The following NEGR1 variants were observed in gnomAD, a reference collection of about 807,000 sequenced individuals.
NEGR1 encodes IgLON family member 4.
NEGR1 carries 10 observed loss-of-function variants against 40.9 expected under a neutral mutation model. That is an observed-to-expected ratio of 0.24 (90% CI 0.15 to 0.42). The LOEUF is 0.42. Among genes scored for constraint, NEGR1 ranks in the 10% least tolerant of loss-of-function variants. The pLI is 1.00. For synonymous variants in NEGR1, 185 were observed against 166.8 expected, an observed-to-expected ratio of 1.11 and a Z score of -0.84; for missense variants, 352 against 438.9, an observed-to-expected ratio of 0.80 and a Z score of 1.77.
At chr1:71,503,492 A>G (rs1320530282) in intron 6 of NEGR1, among the ~76,000 whole-genome samples, 3 of 152,172 alleles carry the variant, frequency 2.0e-5, no homozygotes, top group African/African-American at 4.8e-5. Context: ...CCTGGAGACC[A>G]TGGGGGAGCT....
At chr1:72,213,779 C>T (rs1653696434) in intron 1 of NEGR1, among the ~76,000 whole-genome samples, 1 of 152,010 alleles carries the variant, frequency 6.6e-6, no homozygotes, top group Admixed American at 6.6e-5. Flanking sequence ...CTGAATTCTA[C>T]CAGAGGGACA....
chr1:72,088,353 T>G (rs1648306873), intron 1 of NEGR1, among the ~76,000 whole-genome samples: 1 of 152,134 alleles, frequency 6.6e-6, no homozygotes, highest in African/African-American at 2.4e-5. Flanking sequence ...GATCTACAGG[T>G]GATTTTCATA....
At chr1:71,727,836 G>A (rs1329472745) in intron 3 of NEGR1, among the ~76,000 whole-genome samples, 1 of 152,112 alleles carries the variant, frequency 6.6e-6, no homozygotes, top group Non-Finnish European at 1.5e-5. Flanking sequence ...TGCTAAAGTG[G>A]AATATTGAGT....
chr1:72,254,407 G>A (rs929593842), intron 1 of NEGR1, among the ~76,000 whole-genome samples: 4 of 152,002 alleles, frequency 2.6e-5, no homozygotes, highest in Admixed American at 2.6e-4. Flanking sequence ...TACACATTAA[G>A]AAAAAGCATA....
At chr1:72,188,336 C>A (rs1485161721) in intron 1 of NEGR1, among the ~76,000 whole-genome samples, 1 of 151,368 alleles carries the variant, frequency 6.6e-6, no homozygotes, top group African/African-American at 2.4e-5. Context: ...ATGTGCCTAC[C>A]AATGACACTT....
At chr1:71,677,164 T>A (rs536848929) in intron 4 of NEGR1, among the ~76,000 whole-genome samples, 1 of 152,194 alleles carries the variant, frequency 6.6e-6, no homozygotes, top group African/African-American at 2.4e-5. Context: ...ATAATGATGG[T>A]CATTATTCTG....
chr1:71,706,143 T>A (rs973449675), intron 3 of NEGR1, among the ~76,000 whole-genome samples: 3 of 152,242 alleles, frequency 2.0e-5, no homozygotes, highest in Admixed American at 6.5e-5. Flanking sequence ...CGGATGCAGC[T>A]GTGCGGTGCA....
intron 3 of NEGR1, among the ~76,000 whole-genome samples, chr1:71,703,862 G>C (rs2101634868): frequency 6.6e-6 from 1 of 151,820 alleles, no homozygotes; most frequent in African/African-American, 2.4e-5. Context: ...GTCCCATAAA[G>C]GGGACAGAAA....
At position 72,178,639 on chromosome 1, in the gene NEGR1, C is replaced by G. The variant is rs571704849; in HGVS notation, c.176+103680G>C. ...TAAACATGACTAACTAACTTACATT[C>G]CCACCAGCAGTGTATAAGCGTTCCC... is the stretch of plus-strand genomic sequence containing the variant. On this transcript the variant is annotated intron_variant, in intron 1 of 6. Transcript: ENST00000357731. 1.1e-3 allele frequency among the ~76,000 whole-genome samples: 161 copies of G among 151,866 alleles called. 1 individual carries two copies. Among genetic ancestry groups the G allele is most frequent in the African/African-American group, 3.6e-3 (149 of 41,472 alleles).
intron 1 of NEGR1, among the ~76,000 whole-genome samples, chr1:72,195,162 G>A (rs778903388): frequency 1.3e-5 from 2 of 151,640 alleles, no homozygotes; most frequent in Non-Finnish European, 2.9e-5. Flanking sequence ...ACTGAAGGAC[G>A]TTCATTATTA....
At chr1:71,527,309 C>T (rs902751558) in intron 6 of NEGR1, among the ~76,000 whole-genome samples, 2 of 151,280 alleles carry the variant, frequency 1.3e-5, no homozygotes, top group African/African-American at 4.8e-5. Flanking sequence ...CAACTTCCAC[C>T]AGTTTCCCTA....
At chr1:72,221,055 A>G (rs1279985907) in intron 1 of NEGR1, among the ~76,000 whole-genome samples, 1 of 152,022 alleles carries the variant, frequency 6.6e-6, no homozygotes, top group Non-Finnish European at 1.5e-5. Context: ...TGAAATAAAG[A>G]TGTCAGCATG....
At chr1:72,065,829 C>A (rs1647259220) in intron 1 of NEGR1, among the ~76,000 whole-genome samples, 1 of 151,920 alleles carries the variant, frequency 6.6e-6, no homozygotes, top group Non-Finnish European at 1.5e-5. Flanking sequence ...ACTATGAGAC[C>A]CTGCTTTTAA....
chr1:71,482,796 A>G (rs1162695856), intron 6 of NEGR1, among the ~76,000 whole-genome samples: 1 of 151,846 alleles, frequency 6.6e-6, no homozygotes, highest in Admixed American at 6.6e-5. Flanking sequence ...TTAGCATCAA[A>G]TGTGCATTAA....
At chr1:71,446,429 T>G (rs1367300069) in intron 6 of NEGR1, among the ~76,000 whole-genome samples, 2 of 152,188 alleles carry the variant, frequency 1.3e-5, no homozygotes, top group Non-Finnish European at 2.9e-5. Context: ...GCCTCTACAA[T>G]TATTTTGAGT....
In NEGR1 at chr1:72,261,556, A is replaced by G. The variant is rs574581734; in HGVS notation, c.176+20763T>C. On this transcript the variant is annotated intron_variant, in intron 1 of 6. Coordinates refer to ENST00000357731, the MANE Select transcript of NEGR1 (RefSeq NM_173808.3). ...GCCTTGTAATTAAAAAAATGTTTAT[A>G]AAACTTTTTTTTCCATGAACAAAAT... 2.6e-5 allele frequency among the ~76,000 whole-genome samples: 4 copies of G among 152,124 alleles called. No homozygotes were observed. In the East Asian group the frequency reaches 5.8e-4, roughly 22 times the overall value.
chr1:72,120,134 C>T (rs1649741556), intron 1 of NEGR1, among the ~76,000 whole-genome samples: 1 of 151,796 alleles, frequency 6.6e-6, no homozygotes, highest in Non-Finnish European at 1.5e-5. Flanking sequence ...AACAAACACA[C>T]AGAGTCTATG....
At chr1:71,820,778 C>T (rs888806626) in intron 2 of NEGR1, among the ~76,000 whole-genome samples, 3 of 151,954 alleles carry the variant, frequency 2.0e-5, no homozygotes, top group Non-Finnish European at 4.4e-5. Flanking sequence ...GATAGCGAAT[C>T]AAAATCACTA....
chr1:71,851,008 T>A (rs951186570), intron 2 of NEGR1, among the ~76,000 whole-genome samples: 8 of 152,122 alleles, frequency 5.3e-5, no homozygotes, highest in African/African-American at 1.9e-4. Context: ...ATCATCCACC[T>A]CTGATAGTTT....
Sources: gnomAD v4.1 joint callset for allele counts (sites outside exome capture counted in the v4.1 genomes callset) on GRCh38, gnomAD v4.1.1 for gene constraint, MANE v1.5 for transcripts, NCBI Gene and HGNC (gene_info 2026-07-23, HGNC 2026-07-21) for gene names.